The following CACNB1 variants were observed in gnomAD, a reference collection of about 807,000 sequenced individuals.
The protein encoded by CACNB1 is calcium voltage-gated channel auxiliary subunit beta 1, also known as voltage-dependent L-type calcium channel subunit beta-1.
CACNB1 carries 29 observed loss-of-function variants against 71.6 expected under a neutral mutation model. The ratio of observed to expected loss-of-function variants is 0.40; its 90% CI spans 0.30 to 0.55. CACNB1 has a LOEUF of 0.55. CACNB1 is among the 20% of genes least tolerant of loss of function. The pLI is 0.38. For missense variants in CACNB1, 623 were observed against 801.8 expected (o/e 0.78, Z 2.69); for synonymous variants, 300 against 319.6 (o/e 0.94, Z 0.65).
In CACNB1 at chr17:39,188,411, C is replaced by T. The variant is rs562528453; in HGVS notation, c.292-810G>A. Reference sequence around the variant, plus strand: ...CCAAGATGGTGAAACCCTGTCGCTACTAAAAATACAAAAATTAGCTGGGCG... The same window carrying T: ...CCAAGATGGTGAAACCCTGTCGCTATTAAAAATACAAAAATTAGCTGGGCG... On this transcript the variant is annotated intron_variant, in intron 3 of 13. Transcript: ENST00000394303. 1.1e-4 allele frequency among the ~76,000 whole-genome samples: 16 copies of T among 151,908 alleles called. No homozygotes were observed. The East Asian group carries it at 2.5e-3, about 24-fold the overall frequency.
chr17:39,175,552 G>A lies in CACNB1; in HGVS notation c.1438C>T (p.Pro480Ser), dbSNP rs572013340. ...GELGQPPGLYPSSHPPGRAGT... is the reference protein window; with the variant it reads ...GELGQPPGLYSSSHPPGRAGT... ...GCCCGGCCTGGTGGGTGGCTGCTGG[G>A]GTAAAGGCCTGGGGGCTGGCCCAGC... Residue 480 changes from proline (P) to serine (S), a missense_variant, in exon 14 of 14, where the codon CCC becomes TCC. Physicochemically the swap from Pro to Ser is moderately conservative, Grantham distance 74. Transcript: ENST00000394303. This position sits in a 1 kb window ranked among gnomAD's most constrained non-coding sequence, Gnocchi z 4.7. 1 of 1,613,668 alleles carries A rather than the reference G, an allele frequency of 6.2e-7. No homozygotes were observed. The highest frequency in any genetic ancestry group is 1.7e-5 in the Admixed American group (1 of 59,986).
In CACNB1 at chr17:39,177,942, A is replaced by G. The variant is rs746007853; in HGVS notation, c.1146+42T>C. ...GCCAGAGGAAACCAGGACAACCCAA[A>G]TGTTCTCCCTCCATTCCCTTCCCTG... On this transcript the variant is annotated intron_variant, in intron 12 of 13. Coordinates refer to ENST00000394303, the MANE Select transcript of CACNB1 (RefSeq NM_000723.5). 4 of 1,485,976 alleles carry G rather than the reference A, an allele frequency of 2.7e-6. No homozygotes were observed. The East Asian group carries it at 6.8e-5, about 25-fold the overall frequency. 92.0% of individuals were successfully genotyped at this position (1,485,976 alleles called of 1,614,324 possible).
chr17:39,178,646 G>C (rs1001485118), intron 11 of CACNB1, among the ~76,000 whole-genome samples: 1 of 152,014 alleles, frequency 6.6e-6, no homozygotes, highest in Non-Finnish European at 1.5e-5. Context: ...GCCTCTCAAA[G>C]TGCTGGGATT....
Position 39,188,087 on chromosome 17 carries a change from C to A in CACNB1, c.292-486G>T, listed in dbSNP as rs1597707666. ...AGGCAGGTGGATCGTTTGAGACCAGCCTGGCCAACATGGTGAAACTCTGCC... is the reference window on the plus strand; with the variant it reads ...AGGCAGGTGGATCGTTTGAGACCAGACTGGCCAACATGGTGAAACTCTGCC... On this transcript the variant is annotated intron_variant, in intron 3 of 13. Transcript: ENST00000394303. Among the ~76,000 whole-genome samples, 4 of 120,990 alleles carry A rather than the reference C, an allele frequency of 3.3e-5. No homozygotes were observed. The Middle Eastern group carries it at 0.017, about 508-fold the overall frequency. The allele number at this position is 120,990 out of a possible 152,430, so 79.4% of individuals were successfully genotyped here. A position where few individuals can be genotyped will look rare whatever the true frequency, so the allele number is the denominator to read the frequency against.
intron 11 of CACNB1, chr17:39,178,315 G>A (rs1231621804): frequency 2.6e-6 from 1 of 382,846 alleles, no homozygotes; most frequent in African/African-American, 2.1e-5. Context: ...GGGGCTATAT[G>A]AAGGGCAGTG....
At chr17:39,196,175 A>G (rs1483959997) in intron 1 of CACNB1, among the ~76,000 whole-genome samples, 2 of 152,162 alleles carry the variant, frequency 1.3e-5, no homozygotes, top group Non-Finnish European at 2.9e-5. Context: ...GGATCAGGGT[A>G]CAAGAAAGAG....
intron 2 of CACNB1, chr17:39,193,375 G>A: frequency 2.5e-6 from 1 of 398,768 alleles, no homozygotes; most frequent in Non-Finnish European, 5.1e-6. Context: ...ACACGCTGGA[G>A]TAAAGGCTGC....
chr17:39,187,232 T>C, intron 4 of CACNB1: 1 of 604,470 alleles, frequency 1.7e-6, no homozygotes, highest in South Asian at 2.0e-5. Context: ...GATACCTACA[T>C]GTCCCTGGCA....
chr17:39,194,593 T>G lies in CACNB1; in HGVS notation c.171+291A>C, dbSNP rs1054125848. ...GAGTGGGTGACAGCCCGAAGCAAGC[T>G]GGAGGGAGGCAGGCCAGGCTGTCCC... On this transcript the variant is annotated intron_variant, in intron 2 of 13. Transcript: ENST00000394303. This position sits in a 1 kb window ranked among gnomAD's most constrained non-coding sequence, Gnocchi z 4.6. 7.3e-5 allele frequency among the ~76,000 whole-genome samples: 11 copies of G among 150,872 alleles called. No homozygotes were observed. Among genetic ancestry groups the G allele is most frequent in the Admixed American group, 3.3e-4 (5 of 15,206 alleles).
At chr17:39,179,742 AT>A (rs1472096234) in intron 11 of CACNB1, among the ~76,000 whole-genome samples, 1 of 151,662 alleles carries the variant, frequency 6.6e-6, no homozygotes, top group East Asian at 1.9e-4. Flanking sequence ...TTATTAAAAA[AT>A]AATAATAATA....
chr17:39,197,467 C>T lies in CACNB1; in HGVS notation c.29G>A (p.Gly10Asp), dbSNP rs1440508033. Residue 10 changes from glycine to aspartate, a missense_variant, in exon 1 of 14, where the codon GGC (glycine) becomes GAC (aspartate). Gly to Asp is a moderately conservative substitution (Grantham distance 94). Coordinates refer to ENST00000394303, the MANE Select transcript of CACNB1 (RefSeq NM_000723.5). MVQKTSMSRGPYPPSQEIPM... is the reference protein window; with the variant it reads MVQKTSMSRDPYPPSQEIPM... Reference sequence around the variant, plus strand: ...GATCTCCTGGGAGGGTGGGTAAGGGCCCCGGGACATGCTGGTCTTCTGGAC... The same window carrying T: ...GATCTCCTGGGAGGGTGGGTAAGGGTCCCGGGACATGCTGGTCTTCTGGAC... 7.4e-6 allele frequency: 11 copies of T among 1,490,180 alleles called. No individual in the cohort carries two copies. The South Asian group carries it at 7.9e-5, about 11-fold the overall frequency. 92.3% of individuals were successfully genotyped at this position (1,490,180 alleles called of 1,614,324 possible). A position where few individuals can be genotyped will look rare whatever the true frequency, so the allele number is the denominator to read the frequency against.
chr17:39,195,059 T>A, intron 1 of CACNB1, 89 bp from the exon 2 acceptor site: 1 of 873,772 alleles, frequency 1.1e-6, no homozygotes, highest in Non-Finnish European at 1.9e-6. Flanking sequence ...CAGCCAAGCT[T>A]GGGAACAGCA....
chr17:39,186,660 G>T lies in CACNB1; in HGVS notation c.552-88C>A. On this transcript the variant is annotated intron_variant, in intron 5 of 13. Transcript: ENST00000394303. This position sits in a 1 kb window ranked among gnomAD's most constrained non-coding sequence, Gnocchi z 4.1. ...TCTCACATGCGGCACCCCCGGAGGT[G>T]CTCCAGCCCCACTGGTGATGCCACA... The T allele has an allele frequency of 6.6e-7, 1 of 1,507,872 alleles. No homozygotes were observed. The highest frequency in any genetic ancestry group is 9.1e-7 in the Non-Finnish European group (1 of 1,092,980). 93.4% of individuals were successfully genotyped at this position (1,507,872 alleles called of 1,614,324 possible). A position where few individuals can be genotyped will look rare whatever the true frequency, so the allele number is the denominator to read the frequency against.
intron 2 of CACNB1, 114 bp from the exon 3 acceptor site, chr17:39,191,707 A>G (rs1490467822): frequency 1.9e-6 from 2 of 1,028,676 alleles, no homozygotes; most frequent in East Asian, 2.7e-5. Context: ...CCAGCCCAGC[A>G]TGACACCACA....
intron 13 of CACNB1, among the ~76,000 whole-genome samples, chr17:39,176,294 T>G (rs1209980841): frequency 1.3e-5 from 2 of 152,126 alleles, no homozygotes; most frequent in African/African-American, 4.8e-5. Flanking sequence ...CCAGTGTCCT[T>G]ATCATCAAAT....
intron 11 of CACNB1, among the ~76,000 whole-genome samples, chr17:39,179,089 C>A (rs141552308): frequency 6.6e-6 from 1 of 151,448 alleles, no homozygotes; most frequent in African/African-American, 2.4e-5. Flanking sequence ...GTCAGGAGAT[C>A]GAGACCATCC....
chr17:39,194,208 C>T lies in CACNB1; in HGVS notation c.171+676G>A, dbSNP rs1428762664. On this transcript the variant is annotated intron_variant, in intron 2 of 13. Transcript: ENST00000394303. This position sits in a 1 kb window ranked among gnomAD's most constrained non-coding sequence, Gnocchi z 4.6. Reference sequence around the variant, plus strand: ...CCACATGCCTCTCTCAGTCCCTCACCCTGAGCCTAAGATGGCCCAGGGTTG... The same window carrying T: ...CCACATGCCTCTCTCAGTCCCTCACTCTGAGCCTAAGATGGCCCAGGGTTG... Among the ~76,000 whole-genome samples, 1 of 152,166 alleles carries T rather than the reference C, an allele frequency of 6.6e-6. No homozygotes were observed. The highest frequency in any genetic ancestry group is 1.5e-5 in the Non-Finnish European group (1 of 68,034).
chr17:39,178,216 G>T, intron 11 of CACNB1, 137 bp from the exon 12 acceptor site: 1 of 680,618 alleles, frequency 1.5e-6, no homozygotes. Flanking sequence ...TCTCAGCCCT[G>T]GGCACCTCTG....
intron 2 of CACNB1, chr17:39,193,404 A>C (rs1346714482): frequency 4.7e-6 from 2 of 422,198 alleles, no homozygotes; most frequent in Non-Finnish European, 9.6e-6. Context: ...AGCTTTCCTG[A>C]GAGGCTGTTC....
Sources: gnomAD v4.1 joint callset for allele counts (sites outside exome capture counted in the v4.1 genomes callset) on GRCh38, gnomAD v4.1.1 for gene constraint, Gnocchi (gnomAD v3.1) non-coding constraint, MANE v1.5 for transcripts, NCBI Gene and HGNC (gene_info 2026-07-23, HGNC 2026-07-21) for gene names.